Variants in POU2F1 observed in about 807,000 individuals in gnomAD.
POU2F1 encodes POU domain, class 2, transcription factor 1.
Under a neutral mutation model 84.9 loss-of-function variants are expected in POU2F1, and 16 were observed. The ratio of observed to expected loss-of-function variants is 0.19; its 90% CI spans 0.13 to 0.29. The LOEUF (loss-of-function observed/expected upper bound fraction) is 0.29, where lower values mean the gene tolerates loss of function less well. POU2F1 is among the 10% of genes least tolerant of loss of function. The pLI, the probability that POU2F1 is intolerant of heterozygous loss-of-function variation, is 1.00. For synonymous variants in POU2F1, 368 were observed against 368.3 expected (o/e 1.00, Z 0.01); for missense variants, 738 against 942.6 (o/e 0.78, Z 2.84).
chr1:167,276,584 G>A (rs1331679088), intron 1 of POU2F1, among the ~76,000 whole-genome samples: 1 of 152,172 alleles, frequency 6.6e-6, no homozygotes, highest in East Asian at 1.9e-4. Context: ...TGATTTTTTA[G>A]GACGTTATTT....
intron 5 of POU2F1, 77 bp downstream of exon 5, chr1:167,372,113 G>A (rs1660044224): frequency 1.3e-6 from 2 of 1,527,032 alleles, no homozygotes; most frequent in Non-Finnish European, 1.8e-6. Context: ...GATTAGAATT[G>A]TTCACCATAG....
intron 1 of POU2F1, among the ~76,000 whole-genome samples, chr1:167,226,378 A>G (rs190882868): frequency 6.0e-4 from 92 of 152,354 alleles, no homozygotes; most frequent in Non-Finnish European, 1.2e-3. Flanking sequence ...TTCACAGAGA[A>G]TAGCAGTTTC....
chr1:167,302,650 A>AT (rs1654788261), intron 1 of POU2F1, among the ~76,000 whole-genome samples: 1 of 152,174 alleles, frequency 6.6e-6, no homozygotes, highest in Admixed American at 6.5e-5. Context: ...TAGGAACAAA[A>AT]CTGAATGTAC....
At position 167,405,600 on chromosome 1, in the gene POU2F1, G is replaced by A. The variant is rs552402417; in HGVS notation, c.1555+4044G>A. On this transcript the variant is annotated intron_variant, in intron 13 of 15. Transcript: ENST00000367866. ...CTGCTCGGGAGGCTGAGGTGGGAGG[G>A]TCACTTGAGCCTGGAAAGTTGAGGC... Among the ~76,000 whole-genome samples, 4 of 152,044 alleles carry A rather than the reference G, an allele frequency of 2.6e-5. No homozygotes were observed. The East Asian group carries it at 7.8e-4, about 29-fold the overall frequency.
intron 1 of POU2F1, among the ~76,000 whole-genome samples, chr1:167,291,432 AGTG>A (rs1653916738): frequency 6.6e-6 from 1 of 152,220 alleles, no homozygotes; most frequent in South Asian, 2.1e-4. Context: ...GGAAAGGTTC[AGTG>A]GTGGTTTGCA....
intron 8 of POU2F1, among the ~76,000 whole-genome samples, chr1:167,385,640 T>G (rs181759831): frequency 3.3e-5 from 5 of 152,264 alleles, no homozygotes; most frequent in African/African-American, 9.6e-5. Context: ...TTTCACACCA[T>G]GTACAAAGAT....
chr1:167,244,656 G>A (rs1247090171), intron 1 of POU2F1, among the ~76,000 whole-genome samples: 1 of 152,198 alleles, frequency 6.6e-6, no homozygotes, highest in African/African-American at 2.4e-5. Context: ...AATAGCAGGA[G>A]TTCATGAATC....
chr1:167,343,160 G>A (rs1035771604), intron 2 of POU2F1, among the ~76,000 whole-genome samples: 2 of 152,264 alleles, frequency 1.3e-5, no homozygotes, highest in South Asian at 4.1e-4. Context: ...GTCAGGGGTG[G>A]GGGTCAAGGG....
intron 1 of POU2F1, among the ~76,000 whole-genome samples, chr1:167,242,860 G>A (rs1288972469): frequency 6.6e-6 from 1 of 152,094 alleles, no homozygotes; most frequent in African/African-American, 2.4e-5. Context: ...ATATGTATGG[G>A]CAAAATTCAG....
chr1:167,408,689 G>C (rs1010017329), intron 13 of POU2F1, among the ~76,000 whole-genome samples: 2 of 152,188 alleles, frequency 1.3e-5, no homozygotes, highest in Non-Finnish European at 2.9e-5. Flanking sequence ...CTAGGTAGGA[G>C]TGTGACATGA....
chr1:167,229,431 G>T (rs181116671), intron 1 of POU2F1, among the ~76,000 whole-genome samples: 11 of 152,180 alleles, frequency 7.2e-5, no homozygotes, highest in Admixed American at 7.2e-4. Flanking sequence ...ATTTTTTAGT[G>T]AATTAAATGT....
At chr1:167,270,024 C>T (rs1571202788) in intron 1 of POU2F1, among the ~76,000 whole-genome samples, 1 of 151,908 alleles carries the variant, frequency 6.6e-6, no homozygotes, top group African/African-American at 2.4e-5. Flanking sequence ...TAGTGACCAC[C>T]TTGAACTCTC....
At chr1:167,261,560 C>T (rs968181597) in intron 1 of POU2F1, among the ~76,000 whole-genome samples, 5 of 152,200 alleles carry the variant, frequency 3.3e-5, no homozygotes, top group African/African-American at 1.2e-4. Context: ...GCCCTCTAGC[C>T]AAGCTTCTGA....
At chr1:167,395,203 A>G (rs1355859929) in intron 9 of POU2F1, among the ~76,000 whole-genome samples, 1 of 152,210 alleles carries the variant, frequency 6.6e-6, no homozygotes, top group Non-Finnish European at 1.5e-5. Context: ...ATACATTTCA[A>G]AGGTTATAGG....
At position 167,296,184 on chromosome 1, in the gene POU2F1, T is replaced by G. The variant is rs917879898; in HGVS notation, c.62-36286T>G. ...CATTCAGGTAAAATGAGAGCTAAACTCAGGCCAAATGGAGAGATGGTCAGA... is the reference window on the plus strand; with the variant it reads ...CATTCAGGTAAAATGAGAGCTAAACGCAGGCCAAATGGAGAGATGGTCAGA... On this transcript the variant is annotated intron_variant, in intron 1 of 15. Coordinates refer to ENST00000367866, the MANE Select transcript of POU2F1 (RefSeq NM_002697.4). Among the ~76,000 whole-genome samples, 22 of 152,278 alleles carry G rather than the reference T, an allele frequency of 1.4e-4. 1 individual carries two copies. The highest frequency in any genetic ancestry group is 4.3e-4 in the African/African-American group (18 of 41,576).
intron 3 of POU2F1, among the ~76,000 whole-genome samples, chr1:167,369,946 A>G (rs1353563387): frequency 6.6e-6 from 1 of 151,304 alleles, no homozygotes; most frequent in East Asian, 2.0e-4. Flanking sequence ...CTTCAAAAAA[A>G]GATTAACAGC....
At chr1:167,325,977 A>G (rs1656682720) in intron 1 of POU2F1, among the ~76,000 whole-genome samples, 1 of 151,990 alleles carries the variant, frequency 6.6e-6, no homozygotes, top group African/African-American at 2.4e-5. Context: ...AAAAAAGGCT[A>G]CATTTTAGGC....
intron 2 of POU2F1, among the ~76,000 whole-genome samples, chr1:167,344,445 G>T (rs1658060589): frequency 6.6e-6 from 1 of 152,168 alleles, no homozygotes; most frequent in African/African-American, 2.4e-5. Flanking sequence ...GTTGTGTAAA[G>T]GGAATGATAA....
chr1:167,393,829 A>G lies in POU2F1; in HGVS notation c.988-2457A>G, dbSNP rs1045272859. Among the ~76,000 whole-genome samples, 8 of 152,328 alleles carry G rather than the reference A, an allele frequency of 5.3e-5. No homozygotes were observed. The South Asian group carries it at 1.7e-3, about 32-fold the overall frequency. The stretch of plus-strand genomic sequence containing the variant: ...ACACTTATTGCCATCTAACTGCTAC[A>G]TAAGTTTATATACTCAAAGAATTGC... On this transcript the variant is annotated intron_variant, in intron 9 of 15. Transcript: ENST00000367866.
Sources: allele counts gnomAD v4.1 joint callset (sites outside exome capture counted in the v4.1 genomes callset), GRCh38; gene constraint gnomAD v4.1.1; transcripts MANE v1.5; gene names NCBI Gene and HGNC (gene_info 2026-07-23, HGNC 2026-07-21).